AP5Z1: variants seen among roughly 807,000 people sequenced by gnomAD.
The protein encoded by AP5Z1 is AP-5 complex subunit zeta-1.
AP5Z1 carries 106 observed loss-of-function variants against 83.0 expected under a neutral mutation model. The observed-to-expected ratio is 1.28, with a 90% CI of 1.09 to 1.50. The LOEUF is 1.50. AP5Z1 is among the 40% of genes most tolerant of loss of function. The pLI, the probability that AP5Z1 is intolerant of heterozygous loss-of-function variation, is 0.00. For synonymous variants in AP5Z1, 751 were observed against 514.1 expected (o/e 1.46, Z -6.23); for missense variants, 1,565 against 1,094.2 (o/e 1.43, Z -6.07).
At chr7:4,777,679 A>G (rs1160903340) in intron 1 of AP5Z1, among the ~76,000 whole-genome samples, 1 of 152,080 alleles carries the variant, frequency 6.6e-6, no homozygotes, top group Admixed American at 6.6e-5. Context: ...GTGAGCCACC[A>G]TACCCGGCTG....
chr7:4,778,474 C>A (rs576301170), intron 1 of AP5Z1, among the ~76,000 whole-genome samples: 2 of 151,822 alleles, frequency 1.3e-5, no homozygotes, highest in South Asian at 4.1e-4. Flanking sequence ...AGGGTCTGTG[C>A]GAAGGGACAG....
chr7:4,792,534 C>G lies in AP5Z1; in HGVS notation c.*1149C>G, dbSNP rs1781817710. ...GACACCGTGCGGGCTCAGGAGCTCC[C>G]CAGATGCCCGAGCCGAACCGCGGGG... On this transcript the variant is annotated 3_prime_UTR_variant, in exon 17 of 17. Transcript: ENST00000649063. 6.6e-6 allele frequency: 1 copy of G among 152,332 alleles called. No homozygotes were observed. The highest frequency in any genetic ancestry group is 1.5e-5 in the Non-Finnish European group (1 of 68,122). The allele number at this position is 152,332 out of a possible 1,614,324, so 9.4% of individuals were successfully genotyped here. A position where few individuals can be genotyped will look rare whatever the true frequency, so the allele number is the denominator to read the frequency against.
chr7:4,784,570 C>G (rs1167073372), intron 6 of AP5Z1, among the ~76,000 whole-genome samples, 199 bp downstream of exon 6: 1 of 152,158 alleles, frequency 6.6e-6, no homozygotes, highest in Admixed American at 6.5e-5. Flanking sequence ...GGTCCAGGGT[C>G]AGCACCGGGG....
chr7:4,785,164 G>T, intron 7 of AP5Z1, 116 bp downstream of exon 7: 1 of 1,472,124 alleles, frequency 6.8e-7, no homozygotes. Flanking sequence ...GGGTCCCTGG[G>T]TAGCCGGTTT....
chr7:4,780,933 G>T (rs1781363778), intron 1 of AP5Z1, among the ~76,000 whole-genome samples: 1 of 152,166 alleles, frequency 6.6e-6, no homozygotes. Context: ...AGTGCATGGG[G>T]CCTCCGTGAG....
intron 13 of AP5Z1, 116 bp downstream of exon 13, chr7:4,789,067 A>T: frequency 1.1e-6 from 1 of 873,460 alleles, no homozygotes. Context: ...CGCCACACCC[A>T]CCATCCACGG....
chr7:4,778,046 C>A (rs985370050), intron 1 of AP5Z1, among the ~76,000 whole-genome samples: 9 of 152,136 alleles, frequency 5.9e-5, no homozygotes, highest in Non-Finnish European at 1.3e-4. Flanking sequence ...TAGCGAGACC[C>A]GTCTCTACAA....
Position 4,788,141 on chromosome 7 carries a change from T to A in AP5Z1, c.1455-13T>A. 1 of 1,514,744 alleles carries A rather than the reference T, an allele frequency of 6.6e-7. No homozygotes were observed. Among genetic ancestry groups the A allele is most frequent in the African/African-American group, 1.4e-5 (1 of 71,908 alleles). 93.8% of individuals were successfully genotyped at this position (1,514,744 alleles called of 1,614,324 possible). On this transcript the variant is annotated splice_polypyrimidine_tract_variant and intron_variant, in intron 11 of 16. Coordinates refer to ENST00000649063, the MANE Select transcript of AP5Z1 (RefSeq NM_014855.3). The stretch of plus-strand genomic sequence containing the variant: ...CCGCATCCCAGCCTGGCCTTGGGCG[T>A]CTGTCCACGCAGGTCAGCACCGGCT...
Position 4,789,910 on chromosome 7 carries a change from T to C in AP5Z1, c.1786T>C (p.Tyr596His), listed in dbSNP as rs1367023647. 6 of 1,548,414 alleles carry C rather than the reference T, an allele frequency of 3.9e-6. No homozygotes were observed. The highest frequency in any genetic ancestry group is 5.2e-6 in the Non-Finnish European group (6 of 1,146,142). ...CGACTCGCTCTACCCGGCCCCAGGG[T>C]ACGCTGCCGGTGTGCACAGGTAGGT... is the stretch of plus-strand genomic sequence containing the variant. ...RSDSLYPAPG[Y>H]AAGVHSVLSS... is the part of the protein sequence containing the mutation. The change falls in exon 14 of 17, where the codon TAC becomes CAC. Residue 596 changes from tyrosine to histidine, a missense_variant. By Grantham distance (83) the Tyr-to-His change is moderately conservative. Coordinates refer to ENST00000649063, the MANE Select transcript of AP5Z1 (RefSeq NM_014855.3).
intron 13 of AP5Z1, among the ~76,000 whole-genome samples, chr7:4,789,194 G>T (rs538252989): frequency 2.9e-5 from 4 of 138,952 alleles, no homozygotes; most frequent in Non-Finnish European, 4.8e-5. Flanking sequence ...CCTTCATCCC[G>T]GCAGGCCACG....
chr7:4,790,998 G>A (rs2115130218), intron 16 of AP5Z1, 111 bp downstream of exon 16: 1 of 1,467,356 alleles, frequency 6.8e-7, no homozygotes, highest in Non-Finnish European at 9.0e-7. Context: ...CAGGTCCTGG[G>A]TGGGCCCTGC....
At position 4,783,359 on chromosome 7, in the gene AP5Z1, T is replaced by A; in HGVS notation, c.410T>A (p.Leu137Gln). 2 of 1,613,140 alleles carry A rather than the reference T, an allele frequency of 1.2e-6. No homozygotes were observed. The highest frequency in any genetic ancestry group is 1.7e-6 in the Non-Finnish European group (2 of 1,179,750). ...GTCAGAGCCGTGGGCCAGGGCGTGC[T>A]ACGAGCGCTGGAGAGCCGGCAGCCT... Reference protein sequence around the residue: ...EEVRAVGQGVLRALESRQPEG... With the variant: ...EEVRAVGQGVQRALESRQPEG... Residue 137 changes from leucine (L) to glutamine (Q), a missense_variant, in exon 4 of 17, where the codon CTA (leucine) becomes CAA (glutamine). By Grantham distance (113) the Leu-to-Gln change is moderately radical (BLOSUM62 -2). Coordinates refer to ENST00000649063, the MANE Select transcript of AP5Z1 (RefSeq NM_014855.3).
rs772318205 is a variant in AP5Z1, at chr7:4,784,341, G to A, written c.760G>A (p.Gly254Ser). 14 of 1,597,842 alleles carry A rather than the reference G, an allele frequency of 8.8e-6. No homozygotes were observed. The highest frequency in any genetic ancestry group is 6.8e-5 in the East Asian group (3 of 44,264). Residue 254 changes from glycine (G) to serine (S), a missense_variant, in exon 6 of 17, where the codon GGC (glycine) becomes AGC (serine). Transcript: ENST00000649063. The part of the protein sequence containing the change: ...SMLRAWLLHS[G>S]PEGPGTLDTD... ...GCTGCGGGCGTGGCTGCTGCACAGC[G>A]GCCCCGAGGGCCCGGGCACCCTGGA...
intron 13 of AP5Z1, among the ~76,000 whole-genome samples, chr7:4,789,488 A>C (rs114508191): frequency 6.6e-6 from 1 of 152,214 alleles, no homozygotes; most frequent in Non-Finnish European, 1.5e-5. Flanking sequence ...AAGCCAGTGC[A>C]GGAGAGCCTG....
chr7:4,784,628 C>T (rs1336253475), intron 6 of AP5Z1, among the ~76,000 whole-genome samples: 1 of 152,188 alleles, frequency 6.6e-6, no homozygotes, highest in Non-Finnish European at 1.5e-5. Flanking sequence ...GATGTGAGAG[C>T]TCCCACTTAA....
At chr7:4,788,088 C>A (rs1470776062) in intron 11 of AP5Z1, 66 bp from the exon 12 acceptor site, 2 of 1,457,924 alleles carry the variant, frequency 1.4e-6, no homozygotes, top group Non-Finnish European at 1.8e-6. Context: ...GTGTGTCTCC[C>A]TGACGGGGGT....
Position 4,784,184 on chromosome 7 carries a change from C to A in AP5Z1, c.622-19C>A, listed in dbSNP as rs1479869241. The A allele has an allele frequency of 3.8e-6, 6 of 1,574,958 alleles. No individual in the cohort carries two copies. The South Asian group carries it at 5.8e-5, about 15-fold the overall frequency. ...CGGCCTCGGCCCCCTCCGCCCACTCCTGCCTGTCCTTCCCACAGCCGGGCC... is the reference window on the plus strand; with the variant it reads ...CGGCCTCGGCCCCCTCCGCCCACTCATGCCTGTCCTTCCCACAGCCGGGCC... On this transcript the variant is annotated intron_variant, in intron 5 of 16. Transcript: ENST00000649063.
At chr7:4,785,212 G>A (rs1177109644) in intron 7 of AP5Z1, among the ~76,000 whole-genome samples, 164 bp downstream of exon 7, 1 of 152,154 alleles carries the variant, frequency 6.6e-6, no homozygotes, top group Non-Finnish European at 1.5e-5. Flanking sequence ...TCAGCCCCAA[G>A]TGTTCTTCAG....
At chr7:4,778,892 A>T (rs1460351139) in intron 1 of AP5Z1, among the ~76,000 whole-genome samples, 3 of 145,970 alleles carry the variant, frequency 2.1e-5, no homozygotes, top group African/African-American at 7.5e-5. Flanking sequence ...AGAATAAAAA[A>T]AATTCACTGG....
Sources: gnomAD v4.1 joint callset for allele counts (sites outside exome capture counted in the v4.1 genomes callset) on GRCh38, gnomAD v4.1.1 for gene constraint, MANE v1.5 for transcripts, NCBI Gene and HGNC (gene_info 2026-07-23, HGNC 2026-07-21) for gene names.